The following TICAM1 variants were observed in gnomAD, a reference collection of about 807,000 sequenced individuals.
The protein encoded by TICAM1 is TIR domain containing adaptor molecule 1.
For missense variants in TICAM1, 895 were observed against 938.2 expected (o/e 0.95, Z 0.60); for synonymous variants, 439 against 415.4 (o/e 1.06, Z -0.69).
chr19:4,821,748 G>A (rs971436208), intron 1 of TICAM1, among the ~76,000 whole-genome samples: 7 of 148,346 alleles, frequency 4.7e-5, no homozygotes, highest in African/African-American at 1.0e-4. Flanking sequence ...GGGTTCTAGC[G>A]ATTCTTCTGC....
intron 1 of TICAM1, among the ~76,000 whole-genome samples, chr19:4,828,891 C>T (rs531901804): frequency 7.9e-5 from 12 of 151,986 alleles, no homozygotes; most frequent in Non-Finnish European, 1.0e-4. Context: ...TTAGTAGGGA[C>T]GGGGTTTCAC....
rs1383854983 is a variant in TICAM1, at chr19:4,818,114, C to A, written c.264G>T (p.Glu88Asp). 4.4e-6 allele frequency: 7 copies of A among 1,608,380 alleles called. No homozygotes were observed. The South Asian group carries it at 7.7e-5, about 18-fold the overall frequency. Reference protein sequence around the residue: ...AGVDSTEDPEEPPDVSWAVAR... With the variant: ...AGVDSTEDPEDPPDVSWAVAR... ...CCACAGCCCAGGACACATCTGGGGG[C>A]TCCTCTGGGTCCTCGGTGCTGTCCA... is the stretch of plus-strand genomic sequence containing the variant. The change falls in exon 2 of 2, where the codon GAG (glutamate) becomes GAT (aspartate). Residue 88 changes from glutamate (E) to aspartate (D), a missense_variant. Physicochemically the swap from Glu to Asp is conservative, Grantham distance 45. Coordinates refer to ENST00000248244, the MANE Select transcript of TICAM1 (RefSeq NM_182919.4). This position sits in a 1 kb window ranked among gnomAD's most constrained non-coding sequence, Gnocchi z 4.0.
chr19:4,820,451 C>T (rs1052132391), intron 1 of TICAM1, among the ~76,000 whole-genome samples: 17 of 149,886 alleles, frequency 1.1e-4, no homozygotes, highest in African/African-American at 3.7e-4. Flanking sequence ...GGAGCCAGGC[C>T]TGGTGGTGTG....
Position 4,817,566 on chromosome 19 carries a change from G to A in TICAM1, c.812C>T (p.Pro271Leu), listed in dbSNP as rs767551524. ...IASPPELPSS[P>L]PPGLPEVAPD... The stretch of plus-strand genomic sequence containing the variant: ...GGCCACTTCGGGAAGCCCAGGAGGT[G>A]GGCTGCTTGGCAGCTCTGGTGGGCT... Residue 271 changes from proline (P) to leucine (L), a missense_variant, in exon 2 of 2, where the codon CCA (proline) becomes CTA (leucine). Coordinates refer to ENST00000248244, the MANE Select transcript of TICAM1 (RefSeq NM_182919.4). The surrounding 1 kb of genome is among the most constrained non-coding windows in gnomAD (Gnocchi z 4.7). 63 of 1,612,112 alleles carry A rather than the reference G, an allele frequency of 3.9e-5. No individual in the cohort carries two copies. Among genetic ancestry groups the A allele is most frequent in the African/African-American group, 9.3e-5 (7 of 74,894 alleles).
Position 4,817,745 on chromosome 19 carries a change from C to A in TICAM1, c.633G>T (p.Gln211His). Residue 211 changes from glutamine (Q) to histidine (H), a missense_variant, in exon 2 of 2, where the codon CAG becomes CAT. Physicochemically the swap from Gln to His is conservative, Grantham distance 24. Transcript: ENST00000248244. This position sits in a 1 kb window ranked among gnomAD's most constrained non-coding sequence, Gnocchi z 4.7. ...ASLASNLEIS[Q>H]SPTMPFLSLH... The stretch of plus-strand genomic sequence containing the variant: ...GGCTGAGGAAGGGCATGGTAGGGGA[C>A]TGGCTGATTTCCAAGTTGCTGGCCA... The A allele has an allele frequency of 1.9e-6, 3 of 1,602,340 alleles. No homozygotes were observed. Among genetic ancestry groups the A allele is most frequent in the Non-Finnish European group, 2.5e-6 (3 of 1,177,268 alleles).
rs1202295243 is a variant in TICAM1 at position 4,817,661 on chromosome 19, C to T, written c.717G>A (p.Val239=). The part of the protein sequence containing the change: ...KLCDDPQASL[V]PEPVPGGCQE... ...GGCAGCCACCGGGGACAGGCTCGGGCACCAAGCTGGCCTGGGGGTCGTCAC... is the reference window on the plus strand; with the variant it reads ...GGCAGCCACCGGGGACAGGCTCGGGTACCAAGCTGGCCTGGGGGTCGTCAC... Residue 239 remains valine, a synonymous_variant, in exon 2 of 2, where the codon GTG becomes GTA. Transcript: ENST00000248244. The surrounding 1 kb of genome is among the most constrained non-coding windows in gnomAD (Gnocchi z 4.7). 2 of 1,581,866 alleles carry T rather than the reference C, an allele frequency of 1.3e-6. No individual in the cohort carries two copies. The highest frequency in any genetic ancestry group is 1.7e-6 in the Non-Finnish European group (2 of 1,164,488).
chr19:4,827,393 A>AAAAAAAAG lies in TICAM1; in HGVS notation c.-140+4220_-140+4221insCTTTTTTT, dbSNP rs1568367624. On this transcript the variant is annotated intron_variant, in intron 1 of 1. Coordinates refer to ENST00000248244, the MANE Select transcript of TICAM1 (RefSeq NM_182919.4). ...TCTCCAAAAAAAAAAAAAAAAAAAA[A>AAAAAAAAG]AAAAAAAAAAGAAAAAGGCCAGATG... Among the ~76,000 whole-genome samples the AAAAAAAAG allele has an allele frequency of 8.6e-4, 125 of 144,814 alleles. 2 individuals carry two copies. Among genetic ancestry groups the AAAAAAAAG allele is most frequent in the African/African-American group, 2.9e-3 (108 of 36,652 alleles).
chr19:4,829,164 A>G (rs1456258157), intron 1 of TICAM1, among the ~76,000 whole-genome samples: 1 of 152,170 alleles, frequency 6.6e-6, no homozygotes, highest in Admixed American at 6.6e-5. Flanking sequence ...AGTGCCTGGC[A>G]CACGCATGCC....
chr19:4,817,076 C>T lies in TICAM1; in HGVS notation c.1302G>A (p.Pro434=), dbSNP rs1344974408. The T allele has an allele frequency of 8.1e-6, 13 of 1,614,104 alleles. No individual in the cohort carries two copies. Among genetic ancestry groups the T allele is most frequent in the African/African-American group, 1.3e-5 (1 of 75,052 alleles). ...GATFCEDFQV[P]GRGELSCLQD... is the part of the protein sequence containing the mutation. ...GCAGGCAGCTCAGCTCCCCGCGCCC[C>T]GGCACCTGGAAATCCTCGCAGAAGG... The change falls in exon 2 of 2, where the codon CCG becomes CCA. Residue 434 remains proline, a synonymous_variant. Transcript: ENST00000248244. The surrounding 1 kb of genome is among the most constrained non-coding windows in gnomAD (Gnocchi z 4.7).
chr19:4,816,675 G>A lies in TICAM1; in HGVS notation c.1703C>T (p.Ala568Val). Residue 568 changes from alanine to valine, a missense_variant, in exon 2 of 2, where the codon GCA becomes GTA. Physicochemically the swap from Ala to Val is moderately conservative, Grantham distance 64. Transcript: ENST00000248244. The surrounding 1 kb of genome is among the most constrained non-coding windows in gnomAD (Gnocchi z 4.3). Reference protein sequence around the residue: ...GERMQAAALNAAYSAYLQSYL... With the variant: ...GERMQAAALNVAYSAYLQSYL... ...GCTCTGGAGGTAGGCTGAGTAGGCT[G>A]CGTTCAGTGCCGCCGCCTGCATCCG... 6.2e-7 allele frequency: 1 copy of A among 1,614,144 alleles called. No homozygotes were observed.
intron 1 of TICAM1, among the ~76,000 whole-genome samples, chr19:4,821,524 G>C (rs955191933): frequency 6.6e-6 from 1 of 151,798 alleles, no homozygotes; most frequent in Admixed American, 6.6e-5. Flanking sequence ...CTATATCTCT[G>C]TTACCCCCCA....
At position 4,816,774 on chromosome 19, in the gene TICAM1, G is replaced by T; in HGVS notation, c.1604C>A (p.Ala535Asp). 3 of 1,613,534 alleles carry T rather than the reference G, an allele frequency of 1.9e-6. No homozygotes were observed. Among genetic ancestry groups the T allele is most frequent in the South Asian group, 2.2e-5 (2 of 91,092 alleles). ...ANTFKPHRLQ[A>D]RKAMWRKEQD... The stretch of plus-strand genomic sequence containing the variant: ...TTCCTTCCTCCACATGGCCTTTCGG[G>T]CCTGAAGCCTGTGGGGCTTGAAGGT... The change falls in exon 2 of 2, where the codon GCC becomes GAC. Residue 535 changes from alanine to aspartate, a missense_variant. By Grantham distance (126) the Ala-to-Asp change is moderately radical. Coordinates refer to ENST00000248244, the MANE Select transcript of TICAM1 (RefSeq NM_182919.4). The surrounding 1 kb of genome is among the most constrained non-coding windows in gnomAD (Gnocchi z 4.3).
chr19:4,826,405 A>T (rs549659179), intron 1 of TICAM1, among the ~76,000 whole-genome samples: 4 of 152,082 alleles, frequency 2.6e-5, no homozygotes, highest in Admixed American at 2.6e-4. Context: ...ACTCACTGCA[A>T]CCTCTGCCTC....
At position 4,816,384 on chromosome 19, in the gene TICAM1, G is replaced by C. The variant is rs779499603; in HGVS notation, c.1994C>G (p.Thr665Arg). ...GCTCTGAGGGGGTGCGGGTGAGGCC[G>C]TAGGGAAGGCTGGGGACTGCGGGAA... ...LPFPQSPAFP[T>R]ASPAPPQSPG... is the part of the protein sequence containing the mutation. Residue 665 changes from threonine to arginine, a missense_variant, in exon 2 of 2, where the codon ACG (threonine) becomes AGG (arginine). Thr to Arg is a moderately conservative substitution (Grantham distance 71). Coordinates refer to ENST00000248244, the MANE Select transcript of TICAM1 (RefSeq NM_182919.4). This position sits in a 1 kb window ranked among gnomAD's most constrained non-coding sequence, Gnocchi z 4.3. The C allele has an allele frequency of 1.6e-5, 25 of 1,586,690 alleles. No homozygotes were observed. In the East Asian group the frequency reaches 5.6e-4, roughly 35 times the overall value.
At chr19:4,829,805 C>CTTTTTTTTTTT (rs539314470) in intron 1 of TICAM1, among the ~76,000 whole-genome samples, 1 of 87,646 alleles carries the variant, frequency 1.1e-5, no homozygotes, top group African/African-American at 4.5e-5. Context: ...AATTTCATTT[C>CTTTTTTTTTTT]TTTTTTTTTT....
rs762981932 is a variant in TICAM1 at position 4,818,347 on chromosome 19, C to T, written c.31G>A (p.Ala11Thr). 24 of 1,609,234 alleles carry T rather than the reference C, an allele frequency of 1.5e-5. No homozygotes were observed. Among genetic ancestry groups the T allele is most frequent in the Admixed American group, 1.0e-4 (6 of 59,438 alleles). MACTGPSLPS[A>T]FDILGAAGQD... The stretch of plus-strand genomic sequence containing the variant: ...CCTGCTGCACCTAGAATGTCGAAGG[C>T]GCTAGGAAGTGATGGGCCTGTGCAG... The change falls in exon 2 of 2, where the codon GCC (alanine) becomes ACC (threonine). Residue 11 changes from alanine (A) to threonine (T), a missense_variant. By Grantham distance (58) the Ala-to-Thr change is moderately conservative (BLOSUM62 0). Coordinates refer to ENST00000248244, the MANE Select transcript of TICAM1 (RefSeq NM_182919.4). This position sits in a 1 kb window ranked among gnomAD's most constrained non-coding sequence, Gnocchi z 4.0.
In TICAM1 at chr19:4,818,595, G is replaced by T; in HGVS notation, c.-139-79C>A. 2.0e-6 allele frequency: 2 copies of T among 980,446 alleles called. No individual in the cohort carries two copies. The highest frequency in any genetic ancestry group is 2.8e-6 in the Non-Finnish European group (2 of 714,094). The allele number at this position is 980,446 out of a possible 1,614,324, so 60.7% of individuals were successfully genotyped here. ...GAAGGCGGCCCACACACCCCCGCCTGCTTTCCCCGCCTGCCACCCAGACCT... is the reference window on the plus strand; with the variant it reads ...GAAGGCGGCCCACACACCCCCGCCTTCTTTCCCCGCCTGCCACCCAGACCT... On this transcript the variant is annotated intron_variant, in intron 1 of 1. Transcript: ENST00000248244. The surrounding 1 kb of genome is among the most constrained non-coding windows in gnomAD (Gnocchi z 4.0).
chr19:4,826,605 G>C (rs921868808), intron 1 of TICAM1, among the ~76,000 whole-genome samples: 6 of 152,134 alleles, frequency 3.9e-5, no homozygotes, highest in African/African-American at 1.4e-4. Flanking sequence ...GATTACAGGC[G>C]TGAGCCACTG....
chr19:4,817,417 G>A lies in TICAM1; in HGVS notation c.961C>T (p.Pro321Ser). The change falls in exon 2 of 2, where the codon CCG becomes TCG. Residue 321 changes from proline (P) to serine (S), a missense_variant. Pro to Ser is a moderately conservative substitution (Grantham distance 74). Transcript: ENST00000248244. The surrounding 1 kb of genome is among the most constrained non-coding windows in gnomAD (Gnocchi z 4.7). ...PQSLPLPILE[P>S]VKNPCSVKDQ... ...TTGACAGAGCAGGGGTTTTTGACCG[G>A]CTCCAGAATAGGCAAGGGGAGAGAC... 1 of 1,614,058 alleles carries A rather than the reference G, an allele frequency of 6.2e-7. No homozygotes were observed.
Sources: allele counts gnomAD v4.1 joint callset (sites outside exome capture counted in the v4.1 genomes callset), GRCh38; gene constraint gnomAD v4.1.1; non-coding constraint Gnocchi (gnomAD v3.1); transcripts MANE v1.5; gene names NCBI Gene and HGNC (gene_info 2026-07-23, HGNC 2026-07-21).